The following BMPR1B variants were observed in gnomAD, a reference collection of about 807,000 sequenced individuals.
BMPR1B encodes bone morphogenetic protein receptor type 1B.
In BMPR1B, 12 loss-of-function variants were observed where a neutral mutation model predicts 59.1. The observed-to-expected ratio is 0.20, with a 90% CI of 0.13 to 0.33. The LOEUF is 0.33. BMPR1B is among the 10% of genes least tolerant of loss of function. BMPR1B has a pLI of 1.00. For synonymous variants in BMPR1B, 237 were observed against 207.3 expected (o/e 1.14, Z -1.23); for missense variants, 550 against 610.9 (o/e 0.90, Z 1.05).
chr4:94,917,142 C>T (rs999703185), intron 2 of BMPR1B, among the ~76,000 whole-genome samples: 4 of 152,230 alleles, frequency 2.6e-5, no homozygotes, highest in Non-Finnish European at 5.9e-5. Context: ...CCTGGATGTC[C>T]AGGCAGAGGC....
At chr4:94,901,696 T>A (rs1727814572) in intron 2 of BMPR1B, among the ~76,000 whole-genome samples, 1 of 152,040 alleles carries the variant, frequency 6.6e-6, no homozygotes, top group African/African-American at 2.4e-5. Context: ...TGATATCTGA[T>A]ATCTCCAAAG....
chr4:95,009,046 C>G (rs1578919527), intron 3 of BMPR1B, among the ~76,000 whole-genome samples: 1 of 152,102 alleles, frequency 6.6e-6, no homozygotes, highest in African/African-American at 2.4e-5. Flanking sequence ...CAGAATGAGA[C>G]TCTCTGTCTC....
At chr4:94,770,186 G>GTTTTTTT (rs56902521) in intron 1 of BMPR1B, among the ~76,000 whole-genome samples, 1 of 54,138 alleles carries the variant, frequency 1.8e-5, no homozygotes, top group Non-Finnish European at 3.6e-5. Flanking sequence ...TTCTGTGTTT[G>GTTTTTTT]TTTTTTTTTT....
chr4:94,769,805 A>G (rs1722104716), intron 1 of BMPR1B, among the ~76,000 whole-genome samples: 1 of 152,152 alleles, frequency 6.6e-6, no homozygotes, highest in Non-Finnish European at 1.5e-5. Flanking sequence ...GTGTTTTACG[A>G]TTTTACTTTT....
chr4:94,957,504 TTTTTC>T (rs1342030974), intron 2 of BMPR1B, among the ~76,000 whole-genome samples: 1 of 152,004 alleles, frequency 6.6e-6, no homozygotes, highest in Non-Finnish European at 1.5e-5. Flanking sequence ...CATGTGCCCT[TTTTTC>T]TTTTTCTTTT....
At chr4:94,811,994 T>C (rs1723835490) in intron 1 of BMPR1B, among the ~76,000 whole-genome samples, 1 of 152,202 alleles carries the variant, frequency 6.6e-6, no homozygotes, top group South Asian at 2.1e-4. Flanking sequence ...ATTTAACTTT[T>C]ATAGTTCAAA....
chr4:94,925,811 G>A (rs3775023), intron 2 of BMPR1B, among the ~76,000 whole-genome samples: 2,834 of 152,226 alleles, frequency 0.019, 51 homozygotes, highest in East Asian at 0.082. Context: ...GTGATAGTTG[G>A]TGGGGTGTTA....
chr4:94,943,442 A>G (rs1729595303), intron 2 of BMPR1B, among the ~76,000 whole-genome samples: 1 of 152,156 alleles, frequency 6.6e-6, no homozygotes, highest in African/African-American at 2.4e-5. Context: ...TATTTATGTG[A>G]CATTTGATAA....
chr4:95,027,907 C>T (rs1028045916), intron 3 of BMPR1B, among the ~76,000 whole-genome samples: 2 of 152,134 alleles, frequency 1.3e-5, no homozygotes, highest in African/African-American at 4.8e-5. Flanking sequence ...AAGCTTTCCA[C>T]TATAGAAGAG....
intron 2 of BMPR1B, among the ~76,000 whole-genome samples, chr4:94,945,184 C>T (rs187395005): frequency 5.3e-5 from 8 of 152,150 alleles, no homozygotes; most frequent in African/African-American, 1.9e-4. Context: ...TATAGAATTG[C>T]AGTTTATGTC....
intron 1 of BMPR1B, among the ~76,000 whole-genome samples, chr4:94,814,937 C>A (rs1030411444): frequency 2.0e-5 from 3 of 151,700 alleles, no homozygotes; most frequent in African/African-American, 7.3e-5. Context: ...GAATTTCGCT[C>A]TTGTTGCCTA....
chr4:94,987,510 C>T (rs1721492195), intron 2 of BMPR1B, among the ~76,000 whole-genome samples: 1 of 151,928 alleles, frequency 6.6e-6, no homozygotes, highest in South Asian at 2.1e-4. Context: ...GACAAATATT[C>T]TCCTCTCCCA....
At chr4:95,053,282 TGTGTGTGTGTG>T (rs1467152077) in intron 3 of BMPR1B, among the ~76,000 whole-genome samples, 1 of 1,658 alleles carries the variant, frequency 6.0e-4, no homozygotes, top group Non-Finnish European at 3.2e-3. Flanking sequence ...GCAGGGCACT[TGTGTGTGTGTG>T]TGTGTGTGTG....
intron 2 of BMPR1B, among the ~76,000 whole-genome samples, chr4:94,892,897 C>T (rs558086853): frequency 3.9e-5 from 6 of 152,090 alleles, no homozygotes; most frequent in South Asian, 4.2e-4. Context: ...TGTGGGATAA[C>T]GAACTTTGGA....
chr4:94,790,552 A>G (rs1459493937), intron 1 of BMPR1B, among the ~76,000 whole-genome samples: 8 of 152,132 alleles, frequency 5.3e-5, no homozygotes, highest in East Asian at 3.8e-4. Flanking sequence ...AGATCTTTCT[A>G]ACTTTCTGCA....
At chr4:94,894,438 A>AAGAGAG (rs35163913) in intron 2 of BMPR1B, among the ~76,000 whole-genome samples, 6,704 of 149,430 alleles carry the variant, frequency 0.045, 376 homozygotes, top group African/African-American at 0.12. Context: ...TGGCCTTTAA[A>AAGAGAG]AGAGAGAGAG....
At chr4:94,783,016 G>C (rs987471618) in intron 1 of BMPR1B, among the ~76,000 whole-genome samples, 11 of 152,150 alleles carry the variant, frequency 7.2e-5, no homozygotes, top group African/African-American at 2.7e-4. Context: ...GGAAGTCTTT[G>C]ATATTACCTC....
intron 10 of BMPR1B, among the ~76,000 whole-genome samples, chr4:95,132,684 T>C (rs898126569): frequency 2.0e-5 from 3 of 152,218 alleles, no homozygotes; most frequent in Admixed American, 1.3e-4. Context: ...CCCACAATGC[T>C]TCTTAAATTA....
intron 2 of BMPR1B, among the ~76,000 whole-genome samples, chr4:94,973,739 G>A (rs1460221793): frequency 6.6e-6 from 1 of 152,128 alleles, no homozygotes; most frequent in East Asian, 1.9e-4. Context: ...GAATTTCTCT[G>A]CCTCCGTCCC....
Sources: gnomAD v4.1 joint callset for allele counts (sites outside exome capture counted in the v4.1 genomes callset) on GRCh38, gnomAD v4.1.1 for gene constraint, MANE v1.5 for transcripts, NCBI Gene and HGNC (gene_info 2026-07-23, HGNC 2026-07-21) for gene names.